Variants in ARHGEF11 observed in about 807,000 individuals in gnomAD.
The protein encoded by ARHGEF11 is Rho guanine exchange factor (GEF) 11.
A neutral mutation model predicts 193.7 loss-of-function variants in ARHGEF11; 55 were observed. The observed-to-expected ratio is 0.28, with a 90% CI of 0.23 to 0.36. The LOEUF is 0.36. Ranked by LOEUF, ARHGEF11 falls within the 10% of genes least tolerant of loss-of-function variation. The probability of loss-of-function intolerance (pLI) is 1.00; values close to 1 mark genes in which losing one functional copy is unlikely to be tolerated. For missense variants in ARHGEF11, 1,723 were observed against 2,005.6 expected (o/e 0.86, Z 2.69); for synonymous variants, 693 against 768.0 (o/e 0.90, Z 1.62).
intron 1 of ARHGEF11, among the ~76,000 whole-genome samples, chr1:157,025,020 A>T (rs1245078993): frequency 1.3e-5 from 2 of 152,226 alleles, no homozygotes; most frequent in African/African-American, 4.8e-5. Context: ...GTATATTCTT[A>T]TAAATTAAAT....
At chr1:156,941,820 T>C in intron 34 of ARHGEF11, 44 bp downstream of exon 34, 1 of 1,558,324 alleles carries the variant, frequency 6.4e-7, no homozygotes. Context: ...AACAGGAGGT[T>C]TGGAGTGGAG....
At position 157,023,110 on chromosome 1, in the gene ARHGEF11, C is replaced by T. The variant is rs562099706; in HGVS notation, c.32+21189G>A. 4.6e-5 allele frequency among the ~76,000 whole-genome samples: 7 copies of T among 152,138 alleles called. No individual in the cohort carries two copies. In the South Asian group the frequency reaches 1.5e-3, roughly 32 times the overall value. The stretch of plus-strand genomic sequence containing the variant: ...AGGCAATGGTTTATCAGACATGACA[C>T]CAAAAGCATAGCAACAAAAGAAATT... On this transcript the variant is annotated intron_variant, in intron 1 of 40. Transcript: ENST00000368194.
chr1:156,936,869 G>A lies in ARHGEF11; in HGVS notation c.4577C>T (p.Pro1526Leu), dbSNP rs751372327. The A allele has an allele frequency of 1.9e-5, 31 of 1,614,016 alleles. No individual in the cohort carries two copies. In the Admixed American group the frequency reaches 2.7e-4, roughly 14 times the overall value. The change falls in exon 40 of 41, where the codon CCC becomes CTC. Residue 1526 changes from proline to leucine, a missense_variant. Transcript: ENST00000368194. ...DGSLSPPAKE[P>L]LASDSRNSHE... ...GCTGTTCCTGGAGTCAGAAGCTAGGGGCTCCTTAGCGGGAGGTGAGAGGGA... is the reference window on the plus strand; with the variant it reads ...GCTGTTCCTGGAGTCAGAAGCTAGGAGCTCCTTAGCGGGAGGTGAGAGGGA...
At chr1:156,977,499 A>G (rs1977685) in intron 6 of ARHGEF11, among the ~76,000 whole-genome samples, 70,787 of 151,806 alleles carry the variant, frequency 0.47, 17,305 homozygotes, top group East Asian at 0.8. Flanking sequence ...TGCAACCTCC[A>G]CCTCCTGGGC....
chr1:157,035,382 C>T (rs997507545), intron 1 of ARHGEF11, among the ~76,000 whole-genome samples: 4 of 151,720 alleles, frequency 2.6e-5, no homozygotes, highest in Non-Finnish European at 5.9e-5. Context: ...ATGTTTGGCA[C>T]CATGGAATTC....
upstream of ARHGEF11, among the ~76,000 whole-genome samples, chr1:157,046,832 A>G (rs560013412): frequency 9.7e-4 from 131 of 135,586 alleles, no homozygotes; most frequent in African/African-American, 3.0e-3. Flanking sequence ...CAACATGGTG[A>G]AACCCCCCCC....
At chr1:157,012,342 G>A (rs938589917) in intron 1 of ARHGEF11, among the ~76,000 whole-genome samples, 1 of 152,150 alleles carries the variant, frequency 6.6e-6, no homozygotes, top group Admixed American at 6.5e-5. Flanking sequence ...GGAGTGGGGA[G>A]CAGGAAAGGG....
rs878988065 is a variant in ARHGEF11, at chr1:156,963,426, C to A, written c.1038+94G>T. 1.1e-5 allele frequency: 17 copies of A among 1,511,154 alleles called. No individual in the cohort carries two copies. In the South Asian group the frequency reaches 1.6e-4, roughly 14 times the overall value. The allele number at this position is 1,511,154 out of a possible 1,614,324, so 93.6% of individuals were successfully genotyped here. A position where few individuals can be genotyped will look rare whatever the true frequency, so the allele number is the denominator to read the frequency against. Reference sequence around the variant, plus strand: ...ACAGGAGGCTCCCCGCCTCAAGTTCCCTTCACAGCTGATGCTAGTCAAACT... The same window carrying A: ...ACAGGAGGCTCCCCGCCTCAAGTTCACTTCACAGCTGATGCTAGTCAAACT... On this transcript the variant is annotated intron_variant, in intron 12 of 40. Coordinates refer to ENST00000368194, the MANE Select transcript of ARHGEF11 (RefSeq NM_198236.3).
chr1:156,980,192 A>C (rs1663919199), intron 4 of ARHGEF11, among the ~76,000 whole-genome samples: 1 of 152,234 alleles, frequency 6.6e-6, no homozygotes, highest in Non-Finnish European at 1.5e-5. Flanking sequence ...AGAATAATAA[A>C]ACTTGTTCTA....
intron 22 of ARHGEF11, chr1:156,949,160 C>T (rs1490325510): frequency 1.1e-5 from 11 of 975,684 alleles, no homozygotes; most frequent in Non-Finnish European, 1.2e-5. Flanking sequence ...CAAGAGCAGA[C>T]AGGCTTGTGC....
At chr1:156,978,025 T>C (rs1383166422) in intron 6 of ARHGEF11, among the ~76,000 whole-genome samples, 179 bp downstream of exon 6, 2 of 152,262 alleles carry the variant, frequency 1.3e-5, no homozygotes, top group East Asian at 1.9e-4. Context: ...CACTAAGGCA[T>C]GGAACAACTG....
At chr1:156,986,535 G>A (rs1410577472) in intron 1 of ARHGEF11, among the ~76,000 whole-genome samples, 1 of 152,166 alleles carries the variant, frequency 6.6e-6, no homozygotes, top group African/African-American at 2.4e-5. Context: ...GAACGGAGCA[G>A]CAGAGAAAAT....
chr1:156,947,402 T>C lies in ARHGEF11; in HGVS notation c.2390A>G (p.Asp797Gly). ...CTTCATTCGCTGGTAGAAGATCAGG[T>C]CCAGGACCCGGAGTGTGCGCAGGTG... ...ASHLRTLRVL[D>G]LIFYQRMKKE... Residue 797 changes from aspartate to glycine, a missense_variant, in exon 26 of 41, where the codon GAC (aspartate) becomes GGC (glycine). This residue lies in a region of ARHGEF11 where 491 missense variants were observed against 654.5 expected (regional missense o/e 0.75). Transcript: ENST00000368194. 1 of 1,613,936 alleles carries C rather than the reference T, an allele frequency of 6.2e-7. No individual in the cohort carries two copies. Among genetic ancestry groups the C allele is most frequent in the Non-Finnish European group, 8.5e-7 (1 of 1,179,958 alleles).
chr1:157,016,569 C>T (rs1459542815), intron 1 of ARHGEF11, among the ~76,000 whole-genome samples: 4 of 152,046 alleles, frequency 2.6e-5, no homozygotes, highest in African/African-American at 9.7e-5. Flanking sequence ...GGTTGTTTGG[C>T]GTCTGTTCAT....
intron 6 of ARHGEF11, 108 bp from the exon 7 acceptor site, chr1:156,977,162 G>T: frequency 1.1e-6 from 1 of 936,156 alleles, no homozygotes; most frequent in Non-Finnish European, 1.7e-6. Flanking sequence ...ATAGAGCCTG[G>T]ATCATAAGTA....
intron 1 of ARHGEF11, among the ~76,000 whole-genome samples, chr1:156,992,703 C>T (rs1402108101): frequency 6.6e-6 from 1 of 152,136 alleles, no homozygotes; most frequent in East Asian, 1.9e-4. Flanking sequence ...GAAGTTCTGG[C>T]ATCCTCGAGC....
In ARHGEF11 at chr1:157,015,078, T is replaced by C. The variant is rs376588236; in HGVS notation, c.33-28905A>G. On this transcript the variant is annotated intron_variant, in intron 1 of 40. Coordinates refer to ENST00000368194, the MANE Select transcript of ARHGEF11 (RefSeq NM_198236.3). ...CTCTCGTATTCTCTCAAGCCCCAGG[T>C]AGGAATTCTGGCAATCAATCTTGAC... Among the ~76,000 whole-genome samples, 4 of 152,298 alleles carry C rather than the reference T, an allele frequency of 2.6e-5. 1 individual carries two copies. In the East Asian group the frequency reaches 7.7e-4, roughly 29 times the overall value.
intron 16 of ARHGEF11, 39 bp from the exon 17 acceptor site, chr1:156,958,903 C>G (rs764952188): frequency 1.5e-5 from 24 of 1,613,468 alleles, no homozygotes; most frequent in Non-Finnish European, 2.0e-5. Flanking sequence ...GAAATATACA[C>G]AAATACTCAA....
At chr1:157,018,807 T>C (rs1669610129) in intron 1 of ARHGEF11, among the ~76,000 whole-genome samples, 1 of 152,232 alleles carries the variant, frequency 6.6e-6, no homozygotes, top group Admixed American at 6.5e-5. Context: ...TGGAACACAG[T>C]AGAGTCTGGA....
Sources: gnomAD v4.1 joint callset for allele counts (sites outside exome capture counted in the v4.1 genomes callset) on GRCh38, gnomAD v4.1.1 for gene constraint, gnomAD v4.1.1 regional missense constraint, MANE v1.5 for transcripts, NCBI Gene and HGNC (gene_info 2026-07-23, HGNC 2026-07-21) for gene names.